Variants in POC1B observed in about 807,000 individuals in gnomAD.
The protein encoded by POC1B is POC1 centriolar protein homolog B.
A neutral mutation model predicts 60.6 loss-of-function variants in POC1B; 44 were observed. The observed-to-expected ratio is 0.73, with a 90% CI of 0.57 to 0.93. The LOEUF is 0.93. Among genes scored for constraint, POC1B ranks in the 40% least tolerant of loss-of-function variants. The pLI is 0.00. For missense variants in POC1B, 555 were observed against 572.3 expected, an observed-to-expected ratio of 0.97 and a Z score of 0.31; for synonymous variants, 180 against 198.9, an observed-to-expected ratio of 0.90 and a Z score of 0.80.
intron 4 of POC1B, among the ~76,000 whole-genome samples, chr12:89,476,245 T>C (rs2135722954): frequency 6.6e-6 from 1 of 152,258 alleles, no homozygotes; most frequent in Middle Eastern, 3.4e-3. Flanking sequence ...CTAGTAAAAC[T>C]GATTCACATG....
chr12:89,487,268 G>A (rs539454115), intron 4 of POC1B, among the ~76,000 whole-genome samples: 1 of 152,126 alleles, frequency 6.6e-6, no homozygotes, highest in African/African-American at 2.4e-5. Context: ...CACATGACAC[G>A]GAGAGGACAA....
At chr12:89,522,145 A>T (rs1402539216) in intron 2 of POC1B, 7 of 398,840 alleles carry the variant, frequency 1.8e-5, no homozygotes, top group Non-Finnish European at 3.1e-5. Context: ...CAATAGCTCA[A>T]GTTTACAAAG....
At chr12:89,455,253 T>G (rs938934686) in intron 10 of POC1B, among the ~76,000 whole-genome samples, 1 of 152,152 alleles carries the variant, frequency 6.6e-6, no homozygotes, top group African/African-American at 2.4e-5. Context: ...GAGAATCACT[T>G]GAACCCAGGA....
chr12:89,474,425 C>A (rs1883028974), intron 4 of POC1B, among the ~76,000 whole-genome samples: 1 of 152,056 alleles, frequency 6.6e-6, no homozygotes, highest in South Asian at 2.1e-4. Flanking sequence ...GAAGTACTTA[C>A]CCTATGACAT....
intron 9 of POC1B, among the ~76,000 whole-genome samples, chr12:89,462,641 A>G (rs186745364): frequency 6.6e-6 from 1 of 152,332 alleles, no homozygotes; most frequent in Admixed American, 6.5e-5. Flanking sequence ...ATATCTGTTA[A>G]CAGGATAAAA....
At chr12:89,415,725 TA>T (rs1880353019), downstream of POC1B, among the ~76,000 whole-genome samples, 1 of 152,248 alleles carries the variant, frequency 6.6e-6, no homozygotes, top group Non-Finnish European at 1.5e-5. Context: ...GCTACTGTGC[TA>T]ATCATTTCAC....
the POC1B span, among the ~76,000 whole-genome samples, chr12:89,410,677 T>G: frequency 2.2e-5 from 1 of 44,960 alleles, no homozygotes; most frequent in Admixed American, 3.0e-4. Context: ...AGACTCCGTC[T>G]CAAAAAAAAA....
chr12:89,444,434 T>A (rs947064590), intron 10 of POC1B, among the ~76,000 whole-genome samples: 1 of 152,218 alleles, frequency 6.6e-6, no homozygotes, highest in African/African-American at 2.4e-5. Context: ...ATCCCTCAGA[T>A]GGAAGACTGG....
chr12:89,502,311 A>G, intron 2 of POC1B: 1 of 1,610,600 alleles, frequency 6.2e-7, no homozygotes, highest in Non-Finnish European at 8.5e-7. Flanking sequence ...CCTCCAACAC[A>G]CCAAATGTTC....
At chr12:89,460,013 C>A in intron 9 of POC1B, 1 of 412,736 alleles carries the variant, frequency 2.4e-6, no homozygotes, top group South Asian at 2.0e-5. Context: ...TAAAATGACC[C>A]ACCTCAAAAG....
intron 10 of POC1B, among the ~76,000 whole-genome samples, chr12:89,442,939 C>G (rs574713871): frequency 5.9e-5 from 9 of 152,258 alleles, no homozygotes; most frequent in African/African-American, 1.9e-4. Flanking sequence ...CAAAAAAAAG[C>G]AGGGGTTGCA....
intron 4 of POC1B, among the ~76,000 whole-genome samples, chr12:89,486,015 C>T (rs937144444): frequency 2.6e-5 from 4 of 152,148 alleles, no homozygotes; most frequent in Non-Finnish European, 5.9e-5. Flanking sequence ...CCTTCCCTGA[C>T]CTCGATATGT....
intron 2 of POC1B, among the ~76,000 whole-genome samples, chr12:89,508,231 T>C (rs1390489304): frequency 6.6e-6 from 1 of 152,266 alleles, no homozygotes; most frequent in East Asian, 1.9e-4. Flanking sequence ...GCATGATATA[T>C]GTTGGAGACA....
chr12:89,511,210 G>GTC (rs1565756749), intron 2 of POC1B, among the ~76,000 whole-genome samples: 1 of 151,650 alleles, frequency 6.6e-6, no homozygotes, highest in African/African-American at 2.4e-5. Context: ...ATCACCTGAG[G>GTC]TCAGGAGTTC....
At chr12:89,433,187 C>T (rs533377586) in intron 10 of POC1B, among the ~76,000 whole-genome samples, 1 of 152,160 alleles carries the variant, frequency 6.6e-6, no homozygotes, top group South Asian at 2.1e-4. Context: ...AAGACTTTTG[C>T]TATAAATGGG....
chr12:89,496,553 C>T (rs1869256346), intron 3 of POC1B, among the ~76,000 whole-genome samples: 1 of 152,148 alleles, frequency 6.6e-6, no homozygotes, highest in East Asian at 1.9e-4. Flanking sequence ...AATTTACATA[C>T]TTTAAAGCTT....
chr12:89,500,150 C>G, intron 2 of POC1B: 3 of 1,580,202 alleles, frequency 1.9e-6, no homozygotes, highest in Non-Finnish European at 2.6e-6. Flanking sequence ...ATTTTGTCAA[C>G]CTTCCAGGGC....
chr12:89,477,125 C>T (rs752977996), intron 4 of POC1B, among the ~76,000 whole-genome samples: 3 of 152,146 alleles, frequency 2.0e-5, no homozygotes, highest in Non-Finnish European at 2.9e-5. Context: ...ATTGAATCAG[C>T]CCTAAAATTT....
chr12:89,448,859 T>C (rs1394218700), intron 10 of POC1B, among the ~76,000 whole-genome samples: 3 of 152,204 alleles, frequency 2.0e-5, no homozygotes, highest in Admixed American at 2.0e-4. Flanking sequence ...ACTTGGCAAG[T>C]AGGAATAGGC....
Sources: gnomAD v4.1 joint callset for allele counts (sites outside exome capture counted in the v4.1 genomes callset) on GRCh38, gnomAD v4.1.1 for gene constraint, MANE v1.5 for transcripts, NCBI Gene and HGNC (gene_info 2026-07-23, HGNC 2026-07-21) for gene names.